The following SYNJ2BP variants were observed in gnomAD, a reference collection of about 807,000 sequenced individuals.
The protein encoded by SYNJ2BP is synaptojanin 2 binding protein, also known as synaptojanin-2-binding protein.
Under a neutral mutation model 16.9 loss-of-function variants are expected in SYNJ2BP, and 10 were observed. The ratio of observed to expected loss-of-function variants is 0.59; its 90% confidence interval spans 0.36 to 1.00. SYNJ2BP has a LOEUF of 1.00. Ranked by LOEUF, SYNJ2BP falls within the 50% of genes least tolerant of loss-of-function variation. SYNJ2BP has a pLI of 0.01. For synonymous variants in SYNJ2BP, 54 were observed against 68.4 expected (o/e 0.79, Z 1.04); for missense variants, 162 against 186.7 (o/e 0.87, Z 0.77).
chr14:70,378,238 A>G (rs1200354299), intron 2 of SYNJ2BP, among the ~76,000 whole-genome samples: 3 of 152,034 alleles, frequency 2.0e-5, no homozygotes, highest in Non-Finnish European at 4.4e-5. Flanking sequence ...TTTCAACCAT[A>G]ATCTGTAAGA....
At chr14:70,411,653 A>C (rs903124246) in intron 1 of SYNJ2BP, among the ~76,000 whole-genome samples, 1 of 152,134 alleles carries the variant, frequency 6.6e-6, no homozygotes, top group Non-Finnish European at 1.5e-5. Flanking sequence ...CTCATCCCTG[A>C]CTCTGGCCCT....
At chr14:70,404,451 T>C (rs1311438580) in intron 1 of SYNJ2BP, among the ~76,000 whole-genome samples, 1 of 152,248 alleles carries the variant, frequency 6.6e-6, no homozygotes, top group African/African-American at 2.4e-5. Context: ...CTTAAAATCA[T>C]GTTATGCTAA....
At chr14:70,413,964 A>G (rs1888547028) in intron 1 of SYNJ2BP, among the ~76,000 whole-genome samples, 1 of 152,216 alleles carries the variant, frequency 6.6e-6, no homozygotes, top group Non-Finnish European at 1.5e-5. Context: ...GCATACTTAG[A>G]GGATTTTCAT....
chr14:70,404,092 A>T (rs976610531), intron 1 of SYNJ2BP, among the ~76,000 whole-genome samples: 2 of 152,162 alleles, frequency 1.3e-5, no homozygotes, highest in Admixed American at 6.5e-5. Flanking sequence ...GAGGCCAGGC[A>T]TGGTAGCTAA....
intron 1 of SYNJ2BP, among the ~76,000 whole-genome samples, chr14:70,392,517 C>T (rs1399988978): frequency 6.6e-6 from 1 of 152,260 alleles, no homozygotes; most frequent in African/African-American, 2.4e-5. Flanking sequence ...TCATAAACTA[C>T]ATAGTAGTTG....
At chr14:70,394,458 CTTT>C (rs533858770) in intron 1 of SYNJ2BP, among the ~76,000 whole-genome samples, 12 of 133,342 alleles carry the variant, frequency 9.0e-5, no homozygotes, top group Admixed American at 7.6e-5. Context: ...TGGGATTCAA[CTTT>C]TTTTTTTTTT....
intron 1 of SYNJ2BP, among the ~76,000 whole-genome samples, chr14:70,405,210 G>A (rs1246804766): frequency 6.6e-6 from 1 of 152,032 alleles, no homozygotes; most frequent in Non-Finnish European, 1.5e-5. Flanking sequence ...ATATCAGAAA[G>A]TCAGTATAGG....
intron 1 of SYNJ2BP, among the ~76,000 whole-genome samples, chr14:70,393,486 T>C (rs1330619574): frequency 1.3e-5 from 2 of 152,148 alleles, no homozygotes. Flanking sequence ...CATTCTACTA[T>C]AAACACACAG....
intron 1 of SYNJ2BP, among the ~76,000 whole-genome samples, chr14:70,394,410 C>T (rs2140845245): frequency 6.8e-6 from 1 of 147,594 alleles, no homozygotes; most frequent in South Asian, 2.2e-4. Context: ...ATTTAAGGTC[C>T]AAAAGGAGTT....
chr14:70,402,808 G>A (rs1317385615), intron 1 of SYNJ2BP, among the ~76,000 whole-genome samples: 1 of 152,198 alleles, frequency 6.6e-6, no homozygotes, highest in Middle Eastern at 3.4e-3. Context: ...TATCTAACAA[G>A]ATTATAGTCT....
chr14:70,403,881 T>C (rs1205138090), intron 1 of SYNJ2BP, among the ~76,000 whole-genome samples: 3 of 152,228 alleles, frequency 2.0e-5, no homozygotes, highest in African/African-American at 7.2e-5. Context: ...ACAAAATGGC[T>C]TTAAAGGTAA....
At chr14:70,374,425 C>T (rs1240452199) in intron 3 of SYNJ2BP, among the ~76,000 whole-genome samples, 1 of 152,158 alleles carries the variant, frequency 6.6e-6, no homozygotes, top group African/African-American at 2.4e-5. Flanking sequence ...GCTTCTAAAT[C>T]CTTAGCCACT....
At chr14:70,398,921 G>T (rs1888167615) in intron 1 of SYNJ2BP, among the ~76,000 whole-genome samples, 1 of 152,102 alleles carries the variant, frequency 6.6e-6, no homozygotes, top group African/African-American at 2.4e-5. Context: ...CCTGCCTATA[G>T]GGGGCCTCTA....
rs1887395833 is a variant in SYNJ2BP at position 70,366,734 on chromosome 14, T to G, written c.*6257A>C. The stretch of plus-strand genomic sequence containing the variant: ...AGTTGCTACAGGGCTCTATTTGATC[T>G]GAGAAACTGACTGCTGTTTACATCC... On this transcript the variant is annotated 3_prime_UTR_variant, in exon 4 of 4. Coordinates refer to ENST00000256366, the MANE Select transcript of SYNJ2BP (RefSeq NM_018373.3). The G allele has an allele frequency of 6.6e-6, 1 of 152,196 alleles. No homozygotes were observed. The highest frequency in any genetic ancestry group is 1.5e-5 in the Non-Finnish European group (1 of 68,032). The allele number at this position is 152,196 out of a possible 1,614,324, so 9.4% of individuals were successfully genotyped here. A position where few individuals can be genotyped will look rare whatever the true frequency, so the allele number is the denominator to read the frequency against.
chr14:70,392,129 C>G lies in SYNJ2BP; in HGVS notation c.65-3523G>C, dbSNP rs114959494. Among the ~76,000 whole-genome samples the G allele has an allele frequency of 9.5e-3, 1,440 of 152,344 alleles. 26 individuals carry two copies. Among genetic ancestry groups the G allele is most frequent in the African/African-American group, 0.032 (1,347 of 41,582 alleles). ...AAGACATAAAGTTAAACTGCACACTCCCTGCTTTGATCACAAACTGGAGTT... is the reference window on the plus strand; with the variant it reads ...AAGACATAAAGTTAAACTGCACACTGCCTGCTTTGATCACAAACTGGAGTT... On this transcript the variant is annotated intron_variant, in intron 1 of 3. Coordinates refer to ENST00000256366, the MANE Select transcript of SYNJ2BP (RefSeq NM_018373.3).
intron 1 of SYNJ2BP, among the ~76,000 whole-genome samples, chr14:70,391,892 C>A (rs773044561): frequency 6.6e-6 from 1 of 152,190 alleles, no homozygotes; most frequent in Admixed American, 6.5e-5. Context: ...CCTGGACTGA[C>A]CTGAAGCCCT....
chr14:70,407,649 CAAAGT>C (rs963500041), intron 1 of SYNJ2BP, among the ~76,000 whole-genome samples: 1 of 150,518 alleles, frequency 6.6e-6, no homozygotes, highest in African/African-American at 2.4e-5. Context: ...AAGATAAAAT[CAAAGT>C]AAAAAAAAAA....
chr14:70,404,618 T>C (rs895332369), intron 1 of SYNJ2BP, among the ~76,000 whole-genome samples: 3 of 152,178 alleles, frequency 2.0e-5, no homozygotes, highest in Non-Finnish European at 4.4e-5. Context: ...CTGTTCAAAA[T>C]TACCTTACTT....
At chr14:70,396,516 C>T (rs1888099250) in intron 1 of SYNJ2BP, among the ~76,000 whole-genome samples, 2 of 152,154 alleles carry the variant, frequency 1.3e-5, no homozygotes, top group South Asian at 4.1e-4. Flanking sequence ...AACTTTTCCA[C>T]AGTGGCTGCA....
Sources: gnomAD v4.1 joint callset for allele counts (sites outside exome capture counted in the v4.1 genomes callset) on GRCh38, gnomAD v4.1.1 for gene constraint, MANE v1.5 for transcripts, NCBI Gene and HGNC (gene_info 2026-07-23, HGNC 2026-07-21) for gene names.